Variants in RGS9 observed in about 807,000 individuals in gnomAD.
RGS9 encodes regulator of G-protein signalling 9.
A neutral mutation model predicts 102.0 loss-of-function variants in RGS9; 78 were observed. That is an observed-to-expected ratio of 0.76 (90% CI 0.64 to 0.92). The LOEUF is 0.92. Among genes scored for constraint, RGS9 ranks in the 40% least tolerant of loss-of-function variants. The probability of loss-of-function intolerance (pLI) is 0.00; values close to 1 mark genes in which losing one functional copy is unlikely to be tolerated. For synonymous variants in RGS9, 353 were observed against 318.6 expected, an observed-to-expected ratio of 1.11 and a Z score of -1.15; for missense variants, 833 against 866.1, an observed-to-expected ratio of 0.96 and a Z score of 0.48.
intron 17 of RGS9, among the ~76,000 whole-genome samples, chr17:65,217,451 G>A (rs1292866357): frequency 6.6e-6 from 1 of 152,226 alleles, no homozygotes; most frequent in Non-Finnish European, 1.5e-5. Flanking sequence ...GACTGGCAGA[G>A]GCCACTGGAT....
intron 6 of RGS9, among the ~76,000 whole-genome samples, chr17:65,162,668 A>G (rs1387783044): frequency 6.6e-6 from 1 of 151,486 alleles, no homozygotes; most frequent in African/African-American, 2.4e-5. Context: ...ACAGGGTTTC[A>G]CCATGTTAGC....
intron 17 of RGS9, among the ~76,000 whole-genome samples, chr17:65,224,249 C>T (rs988083366): frequency 5.3e-5 from 8 of 152,254 alleles, no homozygotes; most frequent in Admixed American, 5.2e-4. Context: ...AGATTTACCC[C>T]TCCTGGCCTA....
chr17:65,187,419 C>T (rs928354536), intron 9 of RGS9, among the ~76,000 whole-genome samples: 3 of 152,236 alleles, frequency 2.0e-5, no homozygotes, highest in Non-Finnish European at 4.4e-5. Context: ...TGAGATAACT[C>T]TTCCTAATCC....
intron 15 of RGS9, among the ~76,000 whole-genome samples, chr17:65,204,562 G>C (rs74579764): frequency 0.029 from 4,349 of 152,104 alleles, 207 homozygotes; most frequent in African/African-American, 0.096. Context: ...AAAAGAAAGA[G>C]AGAGAAAGAG....
At chr17:65,182,858 A>G (rs1482870311) in intron 9 of RGS9, among the ~76,000 whole-genome samples, 1 of 152,146 alleles carries the variant, frequency 6.6e-6, no homozygotes. Context: ...GTTTGATTTA[A>G]TGTTCTGTTA....
chr17:65,157,286 G>T (rs1163189875), intron 2 of RGS9, among the ~76,000 whole-genome samples: 1 of 152,032 alleles, frequency 6.6e-6, no homozygotes, highest in Admixed American at 6.6e-5. Flanking sequence ...CTGTGATGCG[G>T]TGCTTCGTTC....
chr17:65,204,102 T>G, intron 14 of RGS9, 61 bp from the exon 15 acceptor site: 4,350 of 1,537,620 alleles, frequency 2.8e-3, no homozygotes, highest in Non-Finnish European at 3.6e-3. Context: ...CAAGCAGCTG[T>G]GAGCTATCCA....
intron 17 of RGS9, among the ~76,000 whole-genome samples, chr17:65,221,361 G>A (rs1555618170): frequency 3.9e-5 from 6 of 152,218 alleles, no homozygotes. Flanking sequence ...TGTCTTATCT[G>A]TATAGTGGGA....
chr17:65,206,577 T>C (rs1362304511), intron 15 of RGS9, among the ~76,000 whole-genome samples: 1 of 152,192 alleles, frequency 6.6e-6, no homozygotes, highest in Non-Finnish European at 1.5e-5. Context: ...CCCAGGAGGC[T>C]GAGGCAGGAG....
intron 13 of RGS9, among the ~76,000 whole-genome samples, chr17:65,197,555 C>G (rs141112794): frequency 6.6e-6 from 1 of 152,174 alleles, no homozygotes; most frequent in African/African-American, 2.4e-5. Flanking sequence ...AGCCCCCGCT[C>G]CTTCTAGTCA....
chr17:65,181,397 GAGA>G (rs1467286949), intron 9 of RGS9, among the ~76,000 whole-genome samples: 2 of 152,290 alleles, frequency 1.3e-5, no homozygotes, highest in East Asian at 3.9e-4. Context: ...GTAAATTCTT[GAGA>G]AGATGTATCT....
At chr17:65,145,425 G>C (rs144099166) in intron 1 of RGS9, among the ~76,000 whole-genome samples, 117 of 151,926 alleles carry the variant, frequency 7.7e-4, no homozygotes, top group African/African-American at 2.5e-3. Flanking sequence ...GTCTCACTCT[G>C]TTGACCAGGC....
At chr17:65,144,642 G>T (rs1910286165) in intron 1 of RGS9, among the ~76,000 whole-genome samples, 1 of 152,140 alleles carries the variant, frequency 6.6e-6, no homozygotes, top group African/African-American at 2.4e-5. Context: ...GGCCTTTGAG[G>T]GTGAGCATGC....
At chr17:65,200,234 G>T (rs1282015849) in intron 13 of RGS9, among the ~76,000 whole-genome samples, 1 of 152,026 alleles carries the variant, frequency 6.6e-6, no homozygotes, top group East Asian at 1.9e-4. Flanking sequence ...GTTTCACCAT[G>T]TTTGTCAGGC....
intron 7 of RGS9, among the ~76,000 whole-genome samples, chr17:65,163,571 A>T (rs1598574991): frequency 6.6e-6 from 1 of 152,178 alleles, no homozygotes; most frequent in East Asian, 1.9e-4. Context: ...ATCAAAAGAC[A>T]CAGTCTCATA....
chr17:65,192,335 C>A (rs375002550), intron 11 of RGS9, among the ~76,000 whole-genome samples: 1 of 152,052 alleles, frequency 6.6e-6, no homozygotes, highest in South Asian at 2.1e-4. Flanking sequence ...AAAATTAGGC[C>A]GGGAGCGGTG....
rs1491517554 is a variant in RGS9 at position 65,215,489 on chromosome 17, G to GTTCGTTCTTTCT, written c.1407+4887_1407+4888insGTTCTTTCTTTC. On this transcript the variant is annotated intron_variant, in intron 17 of 18. Transcript: ENST00000262406. ...TTCTTTCTTTCTCTATCTTTCTTTC[G>GTTCGTTCTTTCT]TTCTTTCGTTCTTTCTTTCTTTCTT... is the stretch of plus-strand genomic sequence containing the variant. Among the ~76,000 whole-genome samples the GTTCGTTCTTTCT allele has an allele frequency of 1.6e-3, 184 of 116,166 alleles. 3 individuals are homozygous for GTTCGTTCTTTCT. Among genetic ancestry groups the GTTCGTTCTTTCT allele is most frequent in the Middle Eastern group, 9.8e-3 (2 of 204 alleles). The allele number at this position is 116,166 out of a possible 152,430, so 76.2% of individuals were successfully genotyped here. A position where few individuals can be genotyped will look rare whatever the true frequency, so the allele number is the denominator to read the frequency against.
intron 17 of RGS9, among the ~76,000 whole-genome samples, chr17:65,219,623 T>C (rs1318458737): frequency 6.6e-6 from 1 of 152,210 alleles, no homozygotes; most frequent in African/African-American, 2.4e-5. Context: ...AGGATTTCCT[T>C]TATAGAGTTC....
rs80219972 is a variant in RGS9, at chr17:65,226,207, G to A, written c.1892+721G>A. Among the ~76,000 whole-genome samples the A allele has an allele frequency of 9.5e-3, 1,452 of 152,292 alleles. 15 individuals carry two copies. Among genetic ancestry groups the A allele is most frequent in the African/African-American group, 0.033 (1,362 of 41,580 alleles). On this transcript the variant is annotated intron_variant, in intron 18 of 18. Transcript: ENST00000262406. ...CAGAGCAGAAAGAAAACTTGTGAGC[G>A]ATGCAACACAGAGAATCAGCTCCTA...
Sources: gnomAD v4.1 joint callset for allele counts (sites outside exome capture counted in the v4.1 genomes callset) on GRCh38, gnomAD v4.1.1 for gene constraint, MANE v1.5 for transcripts, NCBI Gene and HGNC (gene_info 2026-07-23, HGNC 2026-07-21) for gene names.